Variants in SCGN observed in about 807,000 individuals in gnomAD.
SCGN encodes secretagogin.
SCGN carries 30 observed loss-of-function variants against 39.7 expected under a neutral mutation model. The ratio of observed to expected loss-of-function variants is 0.76; its 90% CI spans 0.57 to 1.03. The LOEUF (loss-of-function observed/expected upper bound fraction) is 1.03. Among genes scored for constraint, SCGN ranks in the 50% least tolerant of loss-of-function variants. The pLI is 0.00. For missense variants in SCGN, 353 were observed against 349.4 expected (o/e 1.01, Z -0.08); for synonymous variants, 106 against 114.1 (o/e 0.93, Z 0.45).
At chr6:25,660,611 G>C (rs889133228) in intron 2 of SCGN, among the ~76,000 whole-genome samples, 2 of 152,216 alleles carry the variant, frequency 1.3e-5, no homozygotes. Flanking sequence ...AAATACAAGT[G>C]AGAAAGGCAG....
intron 10 of SCGN, among the ~76,000 whole-genome samples, chr6:25,696,390 A>C (rs1333488604): frequency 6.6e-6 from 1 of 151,970 alleles, no homozygotes; most frequent in Non-Finnish European, 1.5e-5. Context: ...TATTTATAAT[A>C]TAGAGTATAC....
At chr6:25,697,398 T>C (rs941919108) in intron 10 of SCGN, among the ~76,000 whole-genome samples, 2 of 152,344 alleles carry the variant, frequency 1.3e-5, no homozygotes, top group East Asian at 1.9e-4. Flanking sequence ...AGAATTATTT[T>C]AAGTGGGTTA....
chr6:25,684,808 CAAAAAAAGAAAGGA>C (rs958979367), intron 7 of SCGN, among the ~76,000 whole-genome samples: 22 of 151,224 alleles, frequency 1.5e-4, no homozygotes, highest in African/African-American at 5.4e-4. Flanking sequence ...GATTCTATCT[CAAAAAAAGAAAGGA>C]AAAAAAAGAT....
At chr6:25,675,663 G>T (rs1363048122) in intron 6 of SCGN, among the ~76,000 whole-genome samples, 1 of 152,206 alleles carries the variant, frequency 6.6e-6, no homozygotes, top group Non-Finnish European at 1.5e-5. Context: ...GTTTAAGCTT[G>T]TCCCCATCCA....
chr6:25,663,879 G>A (rs1464159783), intron 3 of SCGN, among the ~76,000 whole-genome samples: 4 of 152,170 alleles, frequency 2.6e-5, no homozygotes, highest in Non-Finnish European at 5.9e-5. Context: ...AAATATGAAT[G>A]AGAATGTGAG....
At chr6:25,683,412 C>A (rs144798674) in intron 7 of SCGN, among the ~76,000 whole-genome samples, 1,871 of 152,320 alleles carry the variant, frequency 0.012, 22 homozygotes, top group South Asian at 0.022. Flanking sequence ...CTCAGTTGTG[C>A]ACGTCTCAGA....
At chr6:25,652,579 A>G (rs1760153894) in intron 1 of SCGN, 94 bp downstream of exon 1, 2 of 1,182,842 alleles carry the variant, frequency 1.7e-6, no homozygotes, top group South Asian at 2.6e-5. Context: ...TACTGTAGGA[A>G]AAGTTATCGA....
chr6:25,656,068 C>T (rs950499471), intron 2 of SCGN, among the ~76,000 whole-genome samples: 1 of 152,160 alleles, frequency 6.6e-6, no homozygotes, highest in Admixed American at 6.5e-5. Context: ...GAAGCTATTC[C>T]TAATTTTGGG....
intron 7 of SCGN, among the ~76,000 whole-genome samples, chr6:25,684,383 G>A (rs975753038): frequency 3.3e-5 from 5 of 152,124 alleles, no homozygotes; most frequent in Non-Finnish European, 7.3e-5. Flanking sequence ...CAAATCCTCG[G>A]ATGTTCAAGT....
intron 7 of SCGN, among the ~76,000 whole-genome samples, chr6:25,684,854 A>T (rs1464196020): frequency 1.3e-5 from 2 of 152,170 alleles, no homozygotes; most frequent in Non-Finnish European, 2.9e-5. Context: ...AATATCCAGA[A>T]CTGGTGACTA....
chr6:25,669,588 G>A (rs1208314799), intron 5 of SCGN, 21 bp downstream of exon 5: 2 of 1,606,044 alleles, frequency 1.2e-6, no homozygotes, highest in African/African-American at 1.3e-5. Context: ...CTGGGTGAAG[G>A]GTGGGTTTGT....
intron 10 of SCGN, among the ~76,000 whole-genome samples, chr6:25,691,485 C>T (rs1489135478): frequency 6.6e-6 from 1 of 152,120 alleles, no homozygotes; most frequent in Non-Finnish European, 1.5e-5. Context: ...AATTGAATTT[C>T]ACGTAATAAA....
chr6:25,697,105 C>T (rs1222392522), intron 10 of SCGN, among the ~76,000 whole-genome samples: 1 of 152,262 alleles, frequency 6.6e-6, no homozygotes, highest in Non-Finnish European at 1.5e-5. Context: ...TCTGAGCAGA[C>T]GTTTCCATTT....
At chr6:25,665,451 T>C (rs563074727) in intron 4 of SCGN, among the ~76,000 whole-genome samples, 2 of 152,368 alleles carry the variant, frequency 1.3e-5, no homozygotes, top group Non-Finnish European at 2.9e-5. Flanking sequence ...AATTTTAGTT[T>C]TGAAGGCATG....
In SCGN at chr6:25,652,255, A is replaced by G. The variant is rs1402867043; in HGVS notation, c.-149A>G. 9 of 657,560 alleles carry G rather than the reference A, an allele frequency of 1.4e-5. No homozygotes were observed. Among genetic ancestry groups the G allele is most frequent in the Non-Finnish European group, 2.4e-5 (9 of 378,338 alleles). The allele number at this position is 657,560 out of a possible 1,614,324, so 40.7% of individuals were successfully genotyped here. A position where few individuals can be genotyped will look rare whatever the true frequency, so the allele number is the denominator to read the frequency against. ...ACGGCTCAGCGACGCCACGGCCAGC[A>G]GCGCTCGCGTCCTCCCCAGCAACAG... On this transcript the variant is annotated 5_prime_UTR_variant, in exon 1 of 11. Coordinates refer to ENST00000377961, the MANE Select transcript of SCGN (RefSeq NM_006998.4).
intron 6 of SCGN, among the ~76,000 whole-genome samples, chr6:25,671,606 T>C (rs1464678750): frequency 1.3e-5 from 2 of 152,220 alleles, no homozygotes; most frequent in Non-Finnish European, 2.9e-5. Flanking sequence ...CAAAATGGTG[T>C]TGGAAATCCT....
intron 2 of SCGN, 42 bp downstream of exon 2, chr6:25,653,494 A>G: frequency 7.2e-7 from 1 of 1,396,436 alleles, no homozygotes; most frequent in Non-Finnish European, 1.0e-6. Flanking sequence ...GCCTCTTAGT[A>G]AGATACGCAC....
At chr6:25,653,829 G>T (rs1255288942) in intron 2 of SCGN, among the ~76,000 whole-genome samples, 1 of 152,080 alleles carries the variant, frequency 6.6e-6, no homozygotes, top group African/African-American at 2.4e-5. Context: ...TAAGATTTTG[G>T]GTGTTTAATA....
chr6:25,668,434 TAAG>T (rs1421686739), intron 4 of SCGN, among the ~76,000 whole-genome samples: 1 of 152,184 alleles, frequency 6.6e-6, no homozygotes, highest in Non-Finnish European at 1.5e-5. Flanking sequence ...CTCACACTAA[TAAG>T]AGGAGTAGCT....
Sources: allele counts gnomAD v4.1 joint callset (sites outside exome capture counted in the v4.1 genomes callset), GRCh38; gene constraint gnomAD v4.1.1; transcripts MANE v1.5; gene names NCBI Gene and HGNC (gene_info 2026-07-23, HGNC 2026-07-21).